CNBD1: variants seen among roughly 807,000 people sequenced by gnomAD.
CNBD1 encodes cyclic nucleotide-binding domain-containing protein 1.
In CNBD1, 71 loss-of-function variants were observed where a neutral mutation model predicts 54.4. That is an observed-to-expected ratio of 1.30 (90% CI 1.08 to 1.59). The LOEUF (loss-of-function observed/expected upper bound fraction) is 1.59. Among genes scored for constraint, CNBD1 ranks in the 40% most tolerant of loss-of-function variants. The pLI, the probability that CNBD1 is intolerant of heterozygous loss-of-function variation, is 0.00. For missense variants in CNBD1, 659 were observed against 518.0 expected (o/e 1.27, Z -2.64); for synonymous variants, 182 against 170.7 (o/e 1.07, Z -0.51).
intron 2 of CNBD1, among the ~76,000 whole-genome samples, chr8:86,902,872 AG>A (rs1257611146): frequency 1.3e-5 from 2 of 151,996 alleles, no homozygotes. Flanking sequence ...GTTTCCCCTC[AG>A]CTACTTCTAT....
intron 2 of CNBD1, among the ~76,000 whole-genome samples, chr8:86,891,874 G>T (rs1005819428): frequency 1.3e-5 from 2 of 151,852 alleles, no homozygotes; most frequent in Non-Finnish European, 2.9e-5. Flanking sequence ...TGGGTGGTTT[G>T]TATATAGAAG....
chr8:87,163,815 C>T lies in CNBD1; in HGVS notation c.432-42178C>T, dbSNP rs1202451781. On this transcript the variant is annotated intron_variant, in intron 4 of 10. Transcript: ENST00000518476. The surrounding 1 kb of genome is among the most constrained non-coding windows in gnomAD (Gnocchi z 4.5). ...TTAATTTCTTTTTCTTGTATAATTG[C>T]TCTCATTAAAACTTTTACTATTATG... Among the ~76,000 whole-genome samples the T allele has an allele frequency of 6.6e-6, 1 of 151,604 alleles. No homozygotes were observed. The highest frequency in any genetic ancestry group is 1.5e-5 in the Non-Finnish European group (1 of 67,824).
intron 2 of CNBD1, among the ~76,000 whole-genome samples, chr8:87,426,943 A>T (rs1241419871): frequency 6.6e-6 from 1 of 152,210 alleles, no homozygotes; most frequent in Non-Finnish European, 1.5e-5. Context: ...TTAATAATAT[A>T]AACTTTGTCA....
At chr8:87,393,829 G>A (rs556204030) in intron 2 of CNBD1, among the ~76,000 whole-genome samples, 16 of 151,858 alleles carry the variant, frequency 1.1e-4, no homozygotes, top group African/African-American at 3.9e-4. Context: ...ATACATTAAT[G>A]GAAGAGAGAC....
intron 1 of CNBD1, among the ~76,000 whole-genome samples, chr8:86,868,572 C>CT (rs1183160317): frequency 1.0e-5 from 1 of 100,350 alleles, no homozygotes; most frequent in Non-Finnish European, 2.1e-5. Flanking sequence ...ACCTCGTGAT[C>CT]TGCCCCCCTC....
intron 4 of CNBD1, among the ~76,000 whole-genome samples, chr8:87,181,998 T>C (rs1271460031): frequency 6.6e-6 from 1 of 152,190 alleles, no homozygotes; most frequent in Non-Finnish European, 1.5e-5. Context: ...GTCACCCAGG[T>C]AGTGAGCATA....
In CNBD1 at chr8:86,895,404, A is replaced by G. The variant is rs910663379; in HGVS notation, c.158+7793A>G. On this transcript the variant is annotated intron_variant, in intron 2 of 10. Coordinates refer to ENST00000518476, the MANE Select transcript of CNBD1 (RefSeq NM_173538.3). ...TTGCTTTCAAGTTTTAGCAATTACA[A>G]ATAAAGCTGCTATGAACATTTATGT... is the stretch of plus-strand genomic sequence containing the variant. 7.9e-5 allele frequency among the ~76,000 whole-genome samples: 12 copies of G among 152,326 alleles called. No individual in the cohort carries two copies. The East Asian group carries it at 1.9e-3, about 24-fold the overall frequency.
chr8:87,139,203 A>G (rs1812322297), intron 4 of CNBD1, among the ~76,000 whole-genome samples: 1 of 152,192 alleles, frequency 6.6e-6, no homozygotes, highest in South Asian at 2.1e-4. Flanking sequence ...CCTGCCATGG[A>G]AAGGAAGGTG....
At chr8:87,324,477 C>G (rs1312651995) in intron 8 of CNBD1, among the ~76,000 whole-genome samples, 1 of 147,706 alleles carries the variant, frequency 6.8e-6, no homozygotes, top group Non-Finnish European at 1.5e-5. Context: ...GCCCCAATTT[C>G]AGCTCCTGTT....
At chr8:86,949,930 T>G (rs1340123064) in intron 4 of CNBD1, among the ~76,000 whole-genome samples, 2 of 148,932 alleles carry the variant, frequency 1.3e-5, no homozygotes, top group South Asian at 2.2e-4. Flanking sequence ...TGAAGAGATG[T>G]TATACTTCAT....
chr8:87,390,497 T>C (rs1033044781), intron 2 of CNBD1, among the ~76,000 whole-genome samples: 1 of 152,118 alleles, frequency 6.6e-6, no homozygotes, highest in Non-Finnish European at 1.5e-5. Context: ...AAAATGCTCA[T>C]CATCACTGGC....
intron 8 of CNBD1, among the ~76,000 whole-genome samples, chr8:87,334,730 T>C (rs1292729727): frequency 7.0e-6 from 1 of 143,150 alleles, no homozygotes; most frequent in Non-Finnish European, 1.6e-5. Context: ...TTTTCTTTTT[T>C]TTTTTTTAAG....
At chr8:87,391,321 A>G (rs74651060) in intron 2 of CNBD1, among the ~76,000 whole-genome samples, 2,869 of 152,214 alleles carry the variant, frequency 0.019, 92 homozygotes, top group African/African-American at 0.062. Flanking sequence ...TGCAGTCCCT[A>G]TCAAAACCCC....
intron 6 of CNBD1, among the ~76,000 whole-genome samples, chr8:87,276,175 GGCTT>G (rs1252555004): frequency 2.6e-5 from 4 of 151,682 alleles, no homozygotes; most frequent in Non-Finnish European, 5.9e-5. Context: ...GATATTAGTT[GGCTT>G]GCTTATCACC....
chr8:86,918,198 T>C, intron 3 of CNBD1, among the ~76,000 whole-genome samples: 1 of 152,160 alleles, frequency 6.6e-6, no homozygotes, highest in Admixed American at 6.6e-5. Flanking sequence ...ATAATGGTTG[T>C]AGCATAGTTA....
chr8:86,942,143 C>A (rs1807333025), intron 4 of CNBD1, among the ~76,000 whole-genome samples: 1 of 152,178 alleles, frequency 6.6e-6, no homozygotes, highest in African/African-American at 2.4e-5. Flanking sequence ...TTAATCCTCA[C>A]ATCAATGCTT....
At chr8:87,362,472 GAA>G (rs2130937891) in intron 10 of CNBD1, among the ~76,000 whole-genome samples, 1 of 152,184 alleles carries the variant, frequency 6.6e-6, no homozygotes, top group African/African-American at 2.4e-5. Flanking sequence ...AGGGAGTTTA[GAA>G]AAGTTTGTTG....
chr8:86,984,677 C>A (rs1172919573), intron 4 of CNBD1, among the ~76,000 whole-genome samples: 2 of 152,130 alleles, frequency 1.3e-5, no homozygotes. Context: ...CCCCACTGGA[C>A]TTTGGACTTG....
At chr8:87,426,103 T>C (rs1421004711) in intron 2 of CNBD1, among the ~76,000 whole-genome samples, 2 of 152,198 alleles carry the variant, frequency 1.3e-5, no homozygotes, top group Middle Eastern at 3.2e-3. Context: ...CATCACCCCT[T>C]TCTTTGACTA....
Sources: gnomAD v4.1 joint callset for allele counts (sites outside exome capture counted in the v4.1 genomes callset) on GRCh38, gnomAD v4.1.1 for gene constraint, Gnocchi (gnomAD v3.1) non-coding constraint, MANE v1.5 for transcripts, NCBI Gene and HGNC (gene_info 2026-07-23, HGNC 2026-07-21) for gene names.